Variants in SPNS3 observed in about 807,000 individuals in gnomAD.
The protein encoded by SPNS3 is SPNS lysolipid transporter 3, sphingosine-1-phosphate (putative), also known as protein spinster homolog 3.
Under a neutral mutation model 54.4 loss-of-function variants are expected in SPNS3, and 51 were observed. That is an observed-to-expected ratio of 0.94 (90% CI 0.75 to 1.18). The LOEUF is 1.18. Ranked by LOEUF, SPNS3 falls within the 50% of genes most tolerant of loss-of-function variation. SPNS3 has a pLI of 0.00. For missense variants in SPNS3, 669 were observed against 677.4 expected (o/e 0.99, Z 0.14); for synonymous variants, 309 against 294.7 (o/e 1.05, Z -0.50).
At chr17:4,439,751 G>A (rs759888332) in intron 2 of SPNS3, 28 bp downstream of exon 2, 68 of 1,591,450 alleles carry the variant, frequency 4.3e-5, no homozygotes, top group Non-Finnish European at 5.3e-5. Context: ...CTCTGGAGCC[G>A]GGGCCCTGGG....
At position 4,434,505 on chromosome 17, in the gene SPNS3, T is replaced by A. The variant is rs181859475; in HGVS notation, c.199+339T>A. Among the ~76,000 whole-genome samples the A allele has an allele frequency of 5.3e-5, 8 of 151,248 alleles. No homozygotes were observed. The East Asian group carries it at 1.6e-3, about 29-fold the overall frequency. ...TGAGACTCTGTCTCTATTTATTTAT[T>A]TTTTTTTTTGAGACAGAGTCTCGCT... On this transcript the variant is annotated intron_variant, in intron 1 of 11. Transcript: ENST00000355530.
chr17:4,464,867 G>A (rs1971636546), intron 8 of SPNS3, among the ~76,000 whole-genome samples: 1 of 152,014 alleles, frequency 6.6e-6, no homozygotes, highest in Non-Finnish European at 1.5e-5. Context: ...TTTTAGTAGA[G>A]ATGGGGTTTC....
chr17:4,460,609 T>A lies in SPNS3; in HGVS notation c.1113+7404T>A, dbSNP rs1242859333. On this transcript the variant is annotated intron_variant, in intron 8 of 11. Coordinates refer to ENST00000355530, the MANE Select transcript of SPNS3 (RefSeq NM_182538.5). ...ACCACGCCTGGCTAATTTTTTGTAT[T>A]TTTTTTTTTTTTTTAGTAGAGACGG... is the stretch of plus-strand genomic sequence containing the variant. Among the ~76,000 whole-genome samples, 5 of 142,912 alleles carry A rather than the reference T, an allele frequency of 3.5e-5. No homozygotes were observed. The East Asian group carries it at 8.1e-4, about 23-fold the overall frequency. 93.8% of individuals were successfully genotyped at this position (142,912 alleles called of 152,430 possible).
At chr17:4,459,912 A>C (rs1971450058) in intron 8 of SPNS3, among the ~76,000 whole-genome samples, 1 of 152,168 alleles carries the variant, frequency 6.6e-6, no homozygotes, top group Non-Finnish European at 1.5e-5. Flanking sequence ...ATTGTTGGGA[A>C]GGAAATAGGG....
chr17:4,483,337 CA>C lies in SPNS3; in HGVS notation c.1180-2888del, dbSNP rs1433063184. The C allele has an allele frequency of 1.3e-5, 2 of 152,230 alleles. No homozygotes were observed. The highest frequency in any genetic ancestry group is 2.9e-5 in the Non-Finnish European group (2 of 68,052). The allele number at this position is 152,230 out of a possible 1,614,324, so 9.4% of individuals were successfully genotyped here. On this transcript the variant is annotated intron_variant, in intron 9 of 11. Transcript: ENST00000355530. The surrounding 1 kb of genome is among the most constrained non-coding windows in gnomAD (Gnocchi z 4.2). ...GAGTGAGCCTGGATTTTTGGGAACC[CA>C]AAGCCTCTTATTTCTGAAATTACCC...
At chr17:4,467,786 C>T (rs1430823779) in intron 8 of SPNS3, among the ~76,000 whole-genome samples, 2 of 152,210 alleles carry the variant, frequency 1.3e-5, no homozygotes, top group Admixed American at 6.5e-5. Flanking sequence ...CTGCCTCAGC[C>T]TCCAGAGTAG....
chr17:4,445,166 C>G lies in SPNS3; in HGVS notation c.400C>G (p.Arg134Gly). The G allele has an allele frequency of 1.2e-6, 2 of 1,611,986 alleles. No homozygotes were observed. The highest frequency in any genetic ancestry group is 1.1e-5 in the South Asian group (1 of 90,834). ...CCTCTCTAGCTCCTTCATCTCCCCC[C>G]GGGTACGTGTCCATGCCCCTGTCCA... ...AGLSSSFISP[R>G]YSWLFFLSRG... Residue 134 changes from arginine to glycine, a missense_variant and splice_region_variant, in exon 3 of 12, where the codon CGG (arginine) becomes GGG (glycine). Coordinates refer to ENST00000355530, the MANE Select transcript of SPNS3 (RefSeq NM_182538.5).
chr17:4,467,539 G>T (rs1285448584), intron 8 of SPNS3, among the ~76,000 whole-genome samples: 2 of 152,088 alleles, frequency 1.3e-5, no homozygotes, highest in African/African-American at 4.8e-5. Flanking sequence ...CCCTAGGCTA[G>T]ACCAGCTTCC....
chr17:4,455,922 G>GAA (rs1971300766), intron 8 of SPNS3, among the ~76,000 whole-genome samples: 1 of 152,094 alleles, frequency 6.6e-6, no homozygotes, highest in Non-Finnish European at 1.5e-5. Context: ...CTCTGTGGGG[G>GAA]GGGGGTGAGT....
chr17:4,478,090 G>A (rs373308660), intron 8 of SPNS3, among the ~76,000 whole-genome samples: 12 of 147,854 alleles, frequency 8.1e-5, no homozygotes, highest in African/African-American at 2.8e-4. Flanking sequence ...TCCTGCCTCA[G>A]CCTCCTGAGT....
At chr17:4,474,816 G>GC (rs1466288585) in intron 8 of SPNS3, among the ~76,000 whole-genome samples, 1 of 151,906 alleles carries the variant, frequency 6.6e-6, no homozygotes, top group Non-Finnish European at 1.5e-5. Context: ...ACGAGCCTGT[G>GC]CCAGGGTTTA....
At chr17:4,435,908 G>A (rs1258733791) in intron 1 of SPNS3, among the ~76,000 whole-genome samples, 3 of 152,194 alleles carry the variant, frequency 2.0e-5, no homozygotes, top group African/African-American at 4.8e-5. Context: ...CTCCAGCCTG[G>A]GCGACAGAGC....
In SPNS3 at chr17:4,458,588, C is replaced by CTTTCTTT. The variant is rs1971392123; in HGVS notation, c.1113+5383_1113+5384insTTTCTTT. ...TCCCTCCTTTCTTTCTTCCTTCCCT[C>CTTTCTTT]CTTTCTTTCTTTCTTTCTTTCTTTC... On this transcript the variant is annotated intron_variant, in intron 8 of 11. Coordinates refer to ENST00000355530, the MANE Select transcript of SPNS3 (RefSeq NM_182538.5). Among the ~76,000 whole-genome samples, 42 of 59,320 alleles carry CTTTCTTT rather than the reference C, an allele frequency of 7.1e-4. 1 individual carries two copies. The highest frequency in any genetic ancestry group is 1.5e-3 in the East Asian group (4 of 2,590). 38.9% of individuals were successfully genotyped at this position (59,320 alleles called of 152,430 possible). A position where few individuals can be genotyped will look rare whatever the true frequency, so the allele number is the denominator to read the frequency against.
intron 8 of SPNS3, among the ~76,000 whole-genome samples, chr17:4,477,723 C>T (rs1477459589): frequency 6.6e-6 from 1 of 152,182 alleles, no homozygotes; most frequent in Non-Finnish European, 1.5e-5. Context: ...CGTCCTCGAC[C>T]AGGCTCGGTT....
chr17:4,440,989 G>A (rs565423175), intron 2 of SPNS3, among the ~76,000 whole-genome samples: 37 of 152,234 alleles, frequency 2.4e-4, no homozygotes, highest in African/African-American at 5.3e-4. Context: ...TCAGTTTGAC[G>A]TCTAATTGCT....
chr17:4,449,272 A>T lies in SPNS3; in HGVS notation c.808A>T (p.Met270Leu). The T allele has an allele frequency of 6.2e-7, 1 of 1,612,532 alleles. No individual in the cohort carries two copies. The highest frequency in any genetic ancestry group is 8.5e-7 in the Non-Finnish European group (1 of 1,179,890). Reference protein sequence around the residue: ...FVWSTLGVTAMAFVTGALGFW... With the variant: ...FVWSTLGVTALAFVTGALGFW... ...GTGGTCGACCCTCGGAGTGACCGCC[A>T]TGGCCTTTGTGACTGGAGCCCTGGG... The change falls in exon 7 of 12, where the codon ATG becomes TTG. Residue 270 changes from methionine to leucine, a missense_variant. Met to Leu is a conservative substitution (Grantham distance 15, BLOSUM62 2). Transcript: ENST00000355530.
At chr17:4,450,953 A>G (rs1226764527) in intron 7 of SPNS3, among the ~76,000 whole-genome samples, 5 of 151,950 alleles carry the variant, frequency 3.3e-5, no homozygotes. Context: ...AGAGTCTGTG[A>G]TGCTGGGAGG....
At chr17:4,450,558 C>A (rs886863014) in intron 7 of SPNS3, among the ~76,000 whole-genome samples, 4 of 151,742 alleles carry the variant, frequency 2.6e-5, no homozygotes, top group African/African-American at 9.7e-5. Context: ...GGACCACAGG[C>A]ACACGCCACC....
At chr17:4,455,917 T>C (rs1223561410) in intron 8 of SPNS3, among the ~76,000 whole-genome samples, 1 of 150,748 alleles carries the variant, frequency 6.6e-6, no homozygotes, top group African/African-American at 2.5e-5. Flanking sequence ...CTGCCCTCTG[T>C]GGGGGGGGGG....
Sources: allele counts gnomAD v4.1 joint callset (sites outside exome capture counted in the v4.1 genomes callset), GRCh38; gene constraint gnomAD v4.1.1; non-coding constraint Gnocchi (gnomAD v3.1); transcripts MANE v1.5; gene names NCBI Gene and HGNC (gene_info 2026-07-23, HGNC 2026-07-21).